Variants in ARHGAP10 observed in about 807,000 individuals in gnomAD.
ARHGAP10 encodes rho GTPase-activating protein 10.
Under a neutral mutation model 108.6 loss-of-function variants are expected in ARHGAP10, and 87 were observed. The ratio of observed to expected loss-of-function variants is 0.80; its 90% CI spans 0.67 to 0.96. The LOEUF (loss-of-function observed/expected upper bound fraction) is 0.96, where lower values mean the gene tolerates loss of function less well. Among genes scored for constraint, ARHGAP10 ranks in the 40% least tolerant of loss-of-function variants. The probability of loss-of-function intolerance (pLI) is 0.00; values close to 1 mark genes in which losing one functional copy is unlikely to be tolerated. For synonymous variants in ARHGAP10, 347 were observed against 341.1 expected, an observed-to-expected ratio of 1.02 and a Z score of -0.19; for missense variants, 939 against 954.5, an observed-to-expected ratio of 0.98 and a Z score of 0.21.
At chr4:148,061,088 G>C (rs552450781) in intron 20 of ARHGAP10, among the ~76,000 whole-genome samples, 2 of 149,472 alleles carry the variant, frequency 1.3e-5, no homozygotes, top group Non-Finnish European at 3.0e-5. Context: ...TGTTTTCATG[G>C]AGGTTTCCTT....
At chr4:147,832,766 T>C (rs1328282218) in intron 3 of ARHGAP10, among the ~76,000 whole-genome samples, 5 of 152,038 alleles carry the variant, frequency 3.3e-5, no homozygotes. Flanking sequence ...CCTAACGACA[T>C]TATGCCTTAC....
At chr4:147,954,896 T>C (rs1469741646) in intron 15 of ARHGAP10, among the ~76,000 whole-genome samples, 1 of 152,072 alleles carries the variant, frequency 6.6e-6, no homozygotes, top group Non-Finnish European at 1.5e-5. Context: ...GTTTGTTTAA[T>C]CTTTTCTATG....
At chr4:147,859,875 C>A (rs1010708239) in intron 5 of ARHGAP10, among the ~76,000 whole-genome samples, 31 of 152,202 alleles carry the variant, frequency 2.0e-4, no homozygotes, top group African/African-American at 7.2e-4. Flanking sequence ...AAATTACATA[C>A]ACTTTTTAAT....
intron 20 of ARHGAP10, among the ~76,000 whole-genome samples, chr4:148,053,842 G>T (rs527947070): frequency 2.0e-5 from 3 of 152,170 alleles, no homozygotes; most frequent in African/African-American, 4.8e-5. Flanking sequence ...TGGCACTTGC[G>T]TGTGGCCTAA....
intron 13 of ARHGAP10, among the ~76,000 whole-genome samples, chr4:147,935,821 G>A (rs1042765352): frequency 6.6e-6 from 1 of 152,186 alleles, no homozygotes; most frequent in African/African-American, 2.4e-5. Flanking sequence ...AGCTGCTTTT[G>A]TGCAAGGTTT....
intron 1 of ARHGAP10, among the ~76,000 whole-genome samples, chr4:147,798,744 T>A (rs1731423633): frequency 8.8e-5 from 1 of 11,426 alleles, no homozygotes; most frequent in African/African-American, 1.5e-4. Flanking sequence ...TCTCTCTCTC[T>A]CTCTCTCTCT....
At chr4:148,004,687 G>C (rs913525273) in intron 18 of ARHGAP10, among the ~76,000 whole-genome samples, 1 of 152,166 alleles carries the variant, frequency 6.6e-6, no homozygotes, top group South Asian at 2.1e-4. Flanking sequence ...GCAACTGCAA[G>C]GAAATGAATT....
chr4:147,985,432 C>T (rs975528721), intron 18 of ARHGAP10, among the ~76,000 whole-genome samples: 4 of 152,166 alleles, frequency 2.6e-5, no homozygotes, highest in Non-Finnish European at 5.9e-5. Flanking sequence ...AAACCAGTTC[C>T]AGGCCACCAA....
chr4:147,794,192 G>A (rs1731228269), intron 1 of ARHGAP10, among the ~76,000 whole-genome samples: 1 of 152,184 alleles, frequency 6.6e-6, no homozygotes. Flanking sequence ...TTTTGCAGAG[G>A]TTGTGAGTGA....
chr4:147,767,415 G>A (rs1413165346), intron 1 of ARHGAP10, among the ~76,000 whole-genome samples: 1 of 151,422 alleles, frequency 6.6e-6, no homozygotes, highest in East Asian at 1.9e-4. Context: ...GGGGTTCTGA[G>A]TGGTAACTTA....
intron 3 of ARHGAP10, among the ~76,000 whole-genome samples, chr4:147,843,304 C>T (rs1733491998): frequency 6.6e-6 from 1 of 152,162 alleles, no homozygotes; most frequent in Non-Finnish European, 1.5e-5. Context: ...GAATACATGC[C>T]TTTACTTTAT....
In ARHGAP10 at chr4:147,912,562, T is replaced by G. The variant is rs1376233225; in HGVS notation, c.1163-512T>G. The stretch of plus-strand genomic sequence containing the variant: ...ACAAACAAACAAATATATATATATA[T>G]ATATATATATATATATATATATATA... On this transcript the variant is annotated intron_variant, in intron 12 of 22. Coordinates refer to ENST00000336498, the MANE Select transcript of ARHGAP10 (RefSeq NM_024605.4). Among the ~76,000 whole-genome samples the G allele has an allele frequency of 3.1e-3, 280 of 89,660 alleles. 4 individuals are homozygous for G. The highest frequency in any genetic ancestry group is 7.5e-3 in the East Asian group (20 of 2,680). 58.8% of individuals were successfully genotyped at this position (89,660 alleles called of 152,430 possible). A position where few individuals can be genotyped will look rare whatever the true frequency, so the allele number is the denominator to read the frequency against.
At chr4:147,998,607 T>C (rs1054159005) in intron 18 of ARHGAP10, among the ~76,000 whole-genome samples, 2 of 152,270 alleles carry the variant, frequency 1.3e-5, no homozygotes, top group African/African-American at 4.8e-5. Context: ...ATCAATACTT[T>C]ATAACATTGC....
intron 1 of ARHGAP10, among the ~76,000 whole-genome samples, chr4:147,773,041 T>C (rs753435337): frequency 5.3e-5 from 8 of 152,244 alleles, no homozygotes; most frequent in Non-Finnish European, 8.8e-5. Flanking sequence ...GAACACTTTA[T>C]GTACAGAGTA....
chr4:147,816,587 C>T (rs951277657), intron 1 of ARHGAP10, among the ~76,000 whole-genome samples: 1 of 152,258 alleles, frequency 6.6e-6, no homozygotes, highest in Non-Finnish European at 1.5e-5. Context: ...TGAGCTGCTT[C>T]TGGAACAGCC....
At chr4:147,831,405 A>G (rs1732949478) in intron 3 of ARHGAP10, among the ~76,000 whole-genome samples, 1 of 152,224 alleles carries the variant, frequency 6.6e-6, no homozygotes, top group African/African-American at 2.4e-5. Context: ...ATAAGTACCT[A>G]AGGCATTAGA....
chr4:148,017,150 T>C (rs1741379018), intron 18 of ARHGAP10, among the ~76,000 whole-genome samples: 1 of 152,150 alleles, frequency 6.6e-6, no homozygotes, highest in African/African-American at 2.4e-5. Flanking sequence ...TCTGATCTAA[T>C]GCTAATGGAC....
At chr4:147,735,315 C>T (rs1044190126) in intron 1 of ARHGAP10, among the ~76,000 whole-genome samples, 2 of 152,156 alleles carry the variant, frequency 1.3e-5, no homozygotes, top group Non-Finnish European at 2.9e-5. Flanking sequence ...AGACACATAC[C>T]TGTGACAAGG....
At chr4:147,891,843 T>C (rs895346196) in intron 10 of ARHGAP10, among the ~76,000 whole-genome samples, 2 of 152,140 alleles carry the variant, frequency 1.3e-5, no homozygotes, top group Non-Finnish European at 2.9e-5. Flanking sequence ...TCAGGAGGTG[T>C]AGCTTTCTTC....
Sources: allele counts gnomAD v4.1 joint callset (sites outside exome capture counted in the v4.1 genomes callset), GRCh38; gene constraint gnomAD v4.1.1; transcripts MANE v1.5; gene names NCBI Gene and HGNC (gene_info 2026-07-23, HGNC 2026-07-21).